The following EHBP1 variants were observed in gnomAD, a reference collection of about 807,000 sequenced individuals.
The protein encoded by EHBP1 is EH domain binding protein 1, also known as EH domain-binding protein 1.
In EHBP1, 55 loss-of-function variants were observed where a neutral mutation model predicts 144.0. The ratio of observed to expected loss-of-function variants is 0.38; its 90% CI spans 0.31 to 0.48. The LOEUF (loss-of-function observed/expected upper bound fraction) is 0.48. EHBP1 is among the 20% of genes least tolerant of loss of function. EHBP1 has a pLI of 0.98. For synonymous variants in EHBP1, 469 were observed against 472.7 expected, an observed-to-expected ratio of 0.99 and a Z score of 0.10; for missense variants, 1,200 against 1,364.2, an observed-to-expected ratio of 0.88 and a Z score of 1.90.
chr2:62,750,617 G>C (rs752063755), intron 3 of EHBP1, among the ~76,000 whole-genome samples: 10 of 152,092 alleles, frequency 6.6e-5, no homozygotes, highest in South Asian at 2.1e-4. Flanking sequence ...ATCCATGAGC[G>C]TGGAATGTTC....
intron 5 of EHBP1, among the ~76,000 whole-genome samples, chr2:62,796,925 A>C (rs746594862): frequency 2.6e-4 from 39 of 151,648 alleles, no homozygotes; most frequent in Non-Finnish European, 4.1e-4. Context: ...CTCTGGAAAC[A>C]CACACACATA....
chr2:63,044,992 G>A, intron 21 of EHBP1, 74 bp from the exon 22 acceptor site: 7 of 1,100,624 alleles, frequency 6.4e-6, no homozygotes, highest in Non-Finnish European at 8.0e-6. Context: ...ACTGGAAAAG[G>A]CGGGAAGGGG....
intron 1 of EHBP1, among the ~76,000 whole-genome samples, chr2:62,699,780 T>C (rs1011525094): frequency 3.9e-5 from 6 of 152,230 alleles, no homozygotes; most frequent in Non-Finnish European, 8.8e-5. Flanking sequence ...AGTCATTCAC[T>C]GTGTTGCTCC....
intron 11 of EHBP1, among the ~76,000 whole-genome samples, chr2:62,943,599 G>A (rs543250341): frequency 2.0e-5 from 3 of 152,088 alleles, no homozygotes; most frequent in Non-Finnish European, 4.4e-5. Context: ...TTCAGGCAGC[G>A]AAACGTGTAA....
In EHBP1 at chr2:62,792,718, A is replaced by G. The variant is rs963411929; in HGVS notation, c.312+21326A>G. On this transcript the variant is annotated intron_variant, in intron 5 of 22. Transcript: ENST00000431489. The stretch of plus-strand genomic sequence containing the variant: ...CTCAAACAATACCCAGCAAGATGCT[A>G]TGTGTTTATAAATACCCCAATAAAT... Among the ~76,000 whole-genome samples the G allele has an allele frequency of 1.2e-4, 19 of 152,170 alleles. No homozygotes were observed. In the South Asian group the frequency reaches 2.3e-3, roughly 18 times the overall value.
intron 3 of EHBP1, among the ~76,000 whole-genome samples, chr2:62,759,555 A>G (rs2040592534): frequency 6.6e-6 from 1 of 152,008 alleles, no homozygotes; most frequent in Admixed American, 6.6e-5. Flanking sequence ...ACAGACGCCC[A>G]CCACTATGCC....
At chr2:62,946,499 C>T (rs1437930542) in intron 12 of EHBP1, among the ~76,000 whole-genome samples, 1 of 152,208 alleles carries the variant, frequency 6.6e-6, no homozygotes, top group Non-Finnish European at 1.5e-5. Flanking sequence ...CTGCAAATTA[C>T]TTCTAGCTTC....
chr2:62,969,862 A>G (rs1233914015), intron 14 of EHBP1, among the ~76,000 whole-genome samples: 1 of 152,124 alleles, frequency 6.6e-6, no homozygotes, highest in Non-Finnish European at 1.5e-5. Context: ...TATATTACAA[A>G]CCAGCATAAG....
intron 10 of EHBP1, among the ~76,000 whole-genome samples, chr2:62,881,244 G>A (rs188776192): frequency 6.6e-6 from 1 of 151,954 alleles, no homozygotes. Flanking sequence ...CTACTTGTGG[G>A]TGGAGGGTGG....
intron 19 of EHBP1, among the ~76,000 whole-genome samples, chr2:63,002,474 A>T (rs948781910): frequency 6.6e-6 from 1 of 152,114 alleles, no homozygotes; most frequent in African/African-American, 2.4e-5. Flanking sequence ...TATTAGAAGA[A>T]CTTATAGAAA....
chr2:62,809,843 C>G (rs2044839751), intron 5 of EHBP1, among the ~76,000 whole-genome samples: 1 of 152,076 alleles, frequency 6.6e-6, no homozygotes. Context: ...CAAAATACCT[C>G]CAAAAAAAAT....
At chr2:62,979,041 G>A (rs981177381) in intron 14 of EHBP1, 147 bp from the exon 15 acceptor site, 1 of 535,878 alleles carries the variant, frequency 1.9e-6, no homozygotes. Context: ...TTTAAAAATG[G>A]TGTGACATCC....
rs1278564053 is a variant in EHBP1 at position 62,705,723 on chromosome 2, G to A, written c.-625G>A. 6.6e-6 allele frequency: 1 copy of A among 152,668 alleles called. No homozygotes were observed. The highest frequency in any genetic ancestry group is 1.5e-5 in the Non-Finnish European group (1 of 68,462). 9.5% of individuals were successfully genotyped at this position (152,668 alleles called of 1,614,324 possible). A position where few individuals can be genotyped will look rare whatever the true frequency, so the allele number is the denominator to read the frequency against. ...GCCGTGGGTAGGGTTAGTGTGAGAG[G>A]TGCGGCGGGGGAGGTAATGATGATG... On this transcript the variant is annotated 5_prime_UTR_variant, in exon 1 of 23. The change creates a new upstream start codon in the 5' untranslated region. Transcript: ENST00000431489.
chr2:62,728,178 A>G (rs2037027892), intron 2 of EHBP1, among the ~76,000 whole-genome samples: 1 of 152,214 alleles, frequency 6.6e-6, no homozygotes. Context: ...TCCTAAGGCC[A>G]GTTCCTGGAA....
chr2:62,873,958 T>G (rs921093287), intron 9 of EHBP1, among the ~76,000 whole-genome samples: 1 of 152,116 alleles, frequency 6.6e-6, no homozygotes, highest in Non-Finnish European at 1.5e-5. Flanking sequence ...AAAGATGAAA[T>G]ACAAGAAAAC....
intron 19 of EHBP1, among the ~76,000 whole-genome samples, chr2:63,019,729 G>A (rs1347895611): frequency 1.4e-5 from 2 of 146,398 alleles, no homozygotes; most frequent in Non-Finnish European, 3.0e-5. Flanking sequence ...AGAAAGAAAG[G>A]GAAGGGAAGA....
At chr2:62,839,828 G>T in intron 7 of EHBP1, among the ~76,000 whole-genome samples, 1 of 152,118 alleles carries the variant, frequency 6.6e-6, no homozygotes, top group African/African-American at 2.4e-5. Context: ...ACTGCTCAAG[G>T]AAATAAAAGA....
chr2:62,995,731 CA>C, intron 18 of EHBP1, among the ~76,000 whole-genome samples: 1 of 151,982 alleles, frequency 6.6e-6, no homozygotes, highest in East Asian at 1.9e-4. Flanking sequence ...AAAAGGTAAA[CA>C]GGTAATCCAA....
chr2:63,003,959 G>C (rs2059938069), intron 19 of EHBP1, among the ~76,000 whole-genome samples: 1 of 152,002 alleles, frequency 6.6e-6, no homozygotes, highest in African/African-American at 2.4e-5. Context: ...TTAAAGCATT[G>C]TAGTCTTTTA....
Sources: gnomAD v4.1 joint callset for allele counts (sites outside exome capture counted in the v4.1 genomes callset) on GRCh38, gnomAD v4.1.1 for gene constraint, MANE v1.5 for transcripts, NCBI Gene and HGNC (gene_info 2026-07-23, HGNC 2026-07-21) for gene names.